PCDHGB6: variants seen among roughly 807,000 people sequenced by gnomAD.
PCDHGB6 encodes the protein protocadherin gamma-B6.
Under a neutral mutation model 59.1 loss-of-function variants are expected in PCDHGB6, and 51 were observed. The observed-to-expected ratio is 0.86, with a 90% confidence interval of 0.69 to 1.09. The LOEUF is 1.09. PCDHGB6 is among the 50% of genes least tolerant of loss of function. PCDHGB6 has a pLI of 0.00. For missense variants in PCDHGB6, 1,148 were observed against 1,205.1 expected, an observed-to-expected ratio of 0.95 and a Z score of 0.70; for synonymous variants, 466 against 495.1, an observed-to-expected ratio of 0.94 and a Z score of 0.78.
At chr5:141,415,165 C>T (rs1410806560) in intron 1 of PCDHGB6, 10 of 1,613,746 alleles carry the variant, frequency 6.2e-6, no homozygotes, top group Non-Finnish European at 8.5e-6. Context: ...CACTGTCACG[C>T]TCACCGTGGC....
intron 1 of PCDHGB6, chr5:141,478,777 C>T: frequency 6.7e-7 from 1 of 1,488,806 alleles, no homozygotes. Context: ...CATCTGTGGA[C>T]CTAATTCACA....
intron 1 of PCDHGB6, chr5:141,428,236 G>T: frequency 5.8e-6 from 6 of 1,027,096 alleles, no homozygotes; most frequent in Non-Finnish European, 8.9e-6. Flanking sequence ...CAGCCTGCAG[G>T]AGGCACTGCC....
intron 1 of PCDHGB6, among the ~76,000 whole-genome samples, chr5:141,446,746 C>T (rs1413869259): frequency 6.6e-6 from 1 of 152,170 alleles, no homozygotes; most frequent in Non-Finnish European, 1.5e-5. Context: ...GGATTACAGG[C>T]GTGAGCCACC....
intron 1 of PCDHGB6, among the ~76,000 whole-genome samples, chr5:141,481,749 C>T (rs958851030): frequency 6.6e-6 from 1 of 151,976 alleles, no homozygotes; most frequent in Non-Finnish European, 1.5e-5. Context: ...GTCAGGAGTC[C>T]AAGACCAGCC....
At chr5:141,445,964 T>C (rs1199096510) in intron 1 of PCDHGB6, among the ~76,000 whole-genome samples, 2 of 152,280 alleles carry the variant, frequency 1.3e-5, no homozygotes, top group South Asian at 4.1e-4. Context: ...ATATGGAGAA[T>C]TGATTTATGA....
intron 1 of PCDHGB6, among the ~76,000 whole-genome samples, chr5:141,455,439 C>T (rs966470257): frequency 1.3e-5 from 2 of 152,126 alleles, no homozygotes; most frequent in East Asian, 1.9e-4. Context: ...AGGAGGTCCC[C>T]ATCTACCGCG....
In PCDHGB6 at chr5:141,491,443, G is replaced by C. The variant is rs955584868; in HGVS notation, c.2419-3364G>C. On this transcript the variant is annotated intron_variant, in intron 1 of 3. Transcript: ENST00000520790. This position sits in a 1 kb window ranked among gnomAD's most constrained non-coding sequence, Gnocchi z 6.9. ...TGGAGGGCAGTGCTGCAGGCGCCAG[G>C]ACTCACCCTCCCCGGACTTCTATAA... 1 of 1,613,998 alleles carries C rather than the reference G, an allele frequency of 6.2e-7. No homozygotes were observed. Among genetic ancestry groups the C allele is most frequent in the Admixed American group, 1.7e-5 (1 of 60,000 alleles).
intron 1 of PCDHGB6, chr5:141,412,854 A>T (rs1356959630): frequency 4.5e-6 from 1 of 223,412 alleles, no homozygotes; most frequent in African/African-American, 2.3e-5. Context: ...GAGAAACCAA[A>T]GAATCTATGT....
At chr5:141,435,925 A>G (rs978837252) in intron 1 of PCDHGB6, among the ~76,000 whole-genome samples, 16 of 152,166 alleles carry the variant, frequency 1.1e-4, no homozygotes, top group Non-Finnish European at 1.5e-5. Context: ...AAAATGCGGC[A>G]GTTGCTGCTT....
In PCDHGB6 at chr5:141,432,961, A is replaced by T. The variant is rs1457416543; in HGVS notation, c.2418+22341A>T. The T allele has an allele frequency of 1.5e-5, 25 of 1,613,952 alleles. 1 individual carries two copies. The South Asian group carries it at 2.3e-4, about 15-fold the overall frequency. ...AGGCTTCAGGAGGCGGCTTGACAGG[A>T]GCGCCGGCGTCGCACTTTGTGGGCG... On this transcript the variant is annotated intron_variant, in intron 1 of 3. Coordinates refer to ENST00000520790, the MANE Select transcript of PCDHGB6 (RefSeq NM_018926.3). This position sits in a 1 kb window ranked among gnomAD's most constrained non-coding sequence, Gnocchi z 6.0.
Position 141,409,876 on chromosome 5 carries a change from C to G in PCDHGB6, c.1674C>G (p.Asn558Lys). Residue 558 changes from asparagine (N) to lysine (K), a missense_variant, in exon 1 of 4, where the codon AAC (asparagine) becomes AAG (lysine). Coordinates refer to ENST00000520790, the MANE Select transcript of PCDHGB6 (RefSeq NM_018926.3). ...TGTTGGTGGGAGACCGCAATGACAA[C>G]GCACCGCGGGTGCTGTACCCAGCTC... Reference protein sequence around the residue: ...LRVLVGDRNDNAPRVLYPALG... With the variant: ...LRVLVGDRNDKAPRVLYPALG... The G allele has an allele frequency of 6.2e-7, 1 of 1,612,874 alleles. No individual in the cohort carries two copies. The highest frequency in any genetic ancestry group is 2.2e-5 in the East Asian group (1 of 44,860).
At chr5:141,418,752 C>T (rs2096284996) in intron 1 of PCDHGB6, 1 of 1,613,874 alleles carries the variant, frequency 6.2e-7, no homozygotes, top group African/African-American at 1.3e-5. Flanking sequence ...GATTACACTA[C>T]AGGAAACATT....
chr5:141,449,067 T>A lies in PCDHGB6; in HGVS notation c.2418+38447T>A, dbSNP rs547833131. On this transcript the variant is annotated intron_variant, in intron 1 of 3. Transcript: ENST00000520790. ...AGTCTCATAAATGAGCGCTATTGAA[T>A]AGCCCTGTACCTACATCAGTTTTTA... Among the ~76,000 whole-genome samples the A allele has an allele frequency of 3.3e-5, 5 of 152,342 alleles. No homozygotes were observed. In the East Asian group the frequency reaches 9.6e-4, roughly 29 times the overall value.
Position 141,423,758 on chromosome 5 carries a change from GGGT to G in PCDHGB6, c.2418+13141_2418+13143del, listed in dbSNP as rs776356896. The G allele has an allele frequency of 7.0e-4, 256 of 366,834 alleles. 2 individuals are homozygous for G. The highest frequency in any genetic ancestry group is 6.8e-3 in the African/African-American group (232 of 34,230). The allele number at this position is 366,834 out of a possible 1,614,324, so 22.7% of individuals were successfully genotyped here. A position where few individuals can be genotyped will look rare whatever the true frequency, so the allele number is the denominator to read the frequency against. ...CTGTTATGAAAACTGTTTGGGGGGG[GGGT>G]GGGGCGGCATATATTTAGTTCATAT... On this transcript the variant is annotated intron_variant, in intron 1 of 3. Coordinates refer to ENST00000520790, the MANE Select transcript of PCDHGB6 (RefSeq NM_018926.3).
intron 1 of PCDHGB6, chr5:141,418,639 C>T (rs2096276711): frequency 6.2e-7 from 1 of 1,614,014 alleles, no homozygotes; most frequent in Non-Finnish European, 8.5e-7. Flanking sequence ...CAGGCACCTC[C>T]ATCCTGAGAG....
At chr5:141,422,375 T>G (rs2096644332) in intron 1 of PCDHGB6, 3 of 1,570,696 alleles carry the variant, frequency 1.9e-6, no homozygotes, top group Admixed American at 1.9e-5. Flanking sequence ...AATGGTCAAG[T>G]CTCCTGTTTT....
intron 1 of PCDHGB6, among the ~76,000 whole-genome samples, chr5:141,459,664 T>A (rs766213146): frequency 1.3e-5 from 2 of 152,262 alleles, no homozygotes; most frequent in Non-Finnish European, 2.9e-5. Flanking sequence ...TCACTTTACA[T>A]TTTCATGAGC....
intron 1 of PCDHGB6, chr5:141,415,520 C>T: frequency 6.2e-7 from 1 of 1,614,190 alleles, no homozygotes; most frequent in Non-Finnish European, 8.5e-7. Flanking sequence ...TATGCGGACA[C>T]GCTCATCAGC....
chr5:141,453,559 C>T (rs2098769120), intron 1 of PCDHGB6, among the ~76,000 whole-genome samples: 1 of 152,126 alleles, frequency 6.6e-6, no homozygotes, highest in Non-Finnish European at 1.5e-5. Context: ...TGTAGATAAT[C>T]GATTTCATTA....
Sources: allele counts gnomAD v4.1 joint callset (sites outside exome capture counted in the v4.1 genomes callset), GRCh38; gene constraint gnomAD v4.1.1; non-coding constraint Gnocchi (gnomAD v3.1); transcripts MANE v1.5; gene names NCBI Gene and HGNC (gene_info 2026-07-23, HGNC 2026-07-21).